Variants in SPATA6L observed in about 807,000 individuals in gnomAD.
The protein encoded by SPATA6L is spermatogenesis associated 6-like protein.
SPATA6L carries 68 observed loss-of-function variants against 49.2 expected under a neutral mutation model. That is an observed-to-expected ratio of 1.38 (90% confidence interval 1.14 to 1.69). The LOEUF (loss-of-function observed/expected upper bound fraction) is 1.69, where lower values mean the gene tolerates loss of function less well. Among genes scored for constraint, SPATA6L ranks in the 40% most tolerant of loss-of-function variants. The pLI, the probability that SPATA6L is intolerant of heterozygous loss-of-function variation, is 0.00. For synonymous variants in SPATA6L, 198 were observed against 165.7 expected, an observed-to-expected ratio of 1.19 and a Z score of -1.50; for missense variants, 668 against 464.3, an observed-to-expected ratio of 1.44 and a Z score of -4.03.
At chr9:4,647,835 GT>G (rs35475971) in intron 3 of SPATA6L, among the ~76,000 whole-genome samples, 86 of 78,034 alleles carry the variant, frequency 1.1e-3, no homozygotes, top group Middle Eastern at 6.1e-3. Flanking sequence ...AAACATTTTA[GT>G]TTTTTTTTTT....
chr9:4,616,370 G>C (rs1294931750), intron 9 of SPATA6L, among the ~76,000 whole-genome samples: 5 of 152,216 alleles, frequency 3.3e-5, no homozygotes, highest in Non-Finnish European at 7.3e-5. Flanking sequence ...TAGAGCCCAT[G>C]TCTCCTGACC....
At chr9:4,617,774 G>T in intron 9 of SPATA6L, 149 bp downstream of exon 9, 2 of 647,320 alleles carry the variant, frequency 3.1e-6, no homozygotes, top group East Asian at 3.0e-5. Flanking sequence ...TGACTTTTGG[G>T]TAGATTTTAA....
intron 9 of SPATA6L, among the ~76,000 whole-genome samples, chr9:4,610,752 C>A (rs1432872271): frequency 6.6e-6 from 1 of 151,318 alleles, no homozygotes; most frequent in Non-Finnish European, 1.5e-5. Flanking sequence ...GACTTCATGT[C>A]TAAAACACCA....
rs1217201433 is a variant in SPATA6L at position 4,644,182 on chromosome 9, GCAAAAAAAAAAAAAAAAAAAAA to G, written c.227-8805_227-8784del. 2.0e-4 allele frequency among the ~76,000 whole-genome samples: 10 copies of G among 49,412 alleles called. No individual in the cohort carries two copies. In the East Asian group the frequency reaches 5.5e-3, roughly 27 times the overall value. The allele number at this position is 49,412 out of a possible 152,430, so 32.4% of individuals were successfully genotyped here. ...GGCAACATAGTAAGATGCCATCTCT[GCAAAAAAAAAAAAAAAAAAAAA>G]AAAAAAAAAAAAAAATGTAGCTGGG... On this transcript the variant is annotated intron_variant, in intron 3 of 11. Transcript: ENST00000682582.
At chr9:4,665,921 C>A (rs910372577) in intron 1 of SPATA6L, among the ~76,000 whole-genome samples, 1 of 151,780 alleles carries the variant, frequency 6.6e-6, no homozygotes, top group Non-Finnish European at 1.5e-5. Flanking sequence ...TAAATTCTAC[C>A]TGGACTTAAT....
intron 1 of SPATA6L, chr9:4,665,051 G>A (rs1840661224): frequency 1.2e-5 from 2 of 167,054 alleles, no homozygotes; most frequent in Non-Finnish European, 2.9e-5. Flanking sequence ...ATGAAATTAG[G>A]CTTACCATCT....
intron 9 of SPATA6L, among the ~76,000 whole-genome samples, chr9:4,605,774 T>A (rs1013907754): frequency 2.6e-5 from 4 of 152,256 alleles, no homozygotes; most frequent in African/African-American, 9.6e-5. Flanking sequence ...TAAAACTTTT[T>A]AATATAAAAT....
At chr9:4,604,698 T>C (rs1442042976) in intron 10 of SPATA6L, among the ~76,000 whole-genome samples, 1 of 152,250 alleles carries the variant, frequency 6.6e-6, no homozygotes, top group Non-Finnish European at 1.5e-5. Flanking sequence ...AAATCTAGCA[T>C]ATGTCAGTAT....
chr9:4,635,416 A>G lies in SPATA6L; in HGVS notation c.227-17T>C. 2 of 1,571,984 alleles carry G rather than the reference A, an allele frequency of 1.3e-6. No homozygotes were observed. Among genetic ancestry groups the G allele is most frequent in the Non-Finnish European group, 1.7e-6 (2 of 1,167,408 alleles). ...CATCCCACACTAGAAAGAAAATAGA[A>G]AAAGCATAAATATCTGTATTTACAC... On this transcript the variant is annotated splice_polypyrimidine_tract_variant and intron_variant, in intron 3 of 11. Coordinates refer to ENST00000682582, the MANE Select transcript of SPATA6L (RefSeq NM_001353486.2).
chr9:4,641,681 G>C lies in SPATA6L; in HGVS notation c.227-6282C>G, dbSNP rs16921703. 2.5e-3 allele frequency among the ~76,000 whole-genome samples: 376 copies of C among 152,264 alleles called. 2 individuals are homozygous for C. Among genetic ancestry groups the C allele is most frequent in the African/African-American group, 8.6e-3 (359 of 41,558 alleles). ...AATCAGAAGGTCCAACTATATATAG[G>C]GTATGCGCGTGCATGTGTGGTTATT... On this transcript the variant is annotated intron_variant, in intron 3 of 11. Coordinates refer to ENST00000682582, the MANE Select transcript of SPATA6L (RefSeq NM_001353486.2).
At chr9:4,627,238 T>C (rs1197189824) in intron 5 of SPATA6L, 1 of 154,082 alleles carries the variant, frequency 6.5e-6, no homozygotes, top group Non-Finnish European at 1.4e-5. Context: ...AGCATTAAGA[T>C]GGTAGAATGG....
At chr9:4,648,164 T>A (rs1277066886) in intron 3 of SPATA6L, among the ~76,000 whole-genome samples, 1 of 152,116 alleles carries the variant, frequency 6.6e-6, no homozygotes, top group Non-Finnish European at 1.5e-5. Flanking sequence ...ACAACAAAAG[T>A]AAAATTCTAA....
At chr9:4,618,582 A>G (rs930633791) in intron 8 of SPATA6L, among the ~76,000 whole-genome samples, 7 of 152,192 alleles carry the variant, frequency 4.6e-5, no homozygotes, top group African/African-American at 1.7e-4. Flanking sequence ...AAATTATTTG[A>G]TTAGAGAAAA....
At chr9:4,629,769 G>GTGTGTGTGTGTGTATATATATA (rs1311805859) in intron 4 of SPATA6L, among the ~76,000 whole-genome samples, 10 of 101,920 alleles carry the variant, frequency 9.8e-5, no homozygotes, top group Admixed American at 3.4e-4. Flanking sequence ...GTGTGTGTGT[G>GTGTGTGTGTGTGTATATATATA]TATATATATA....
At chr9:4,597,382 G>A (rs944304708), downstream of SPATA6L, among the ~76,000 whole-genome samples, 1 of 150,992 alleles carries the variant, frequency 6.6e-6, no homozygotes, top group African/African-American at 2.4e-5. Flanking sequence ...TGGGGCGTGG[G>A]GGGTGAGGTG....
downstream of SPATA6L, among the ~76,000 whole-genome samples, chr9:4,594,850 G>A (rs139029926): frequency 0.011 from 1,745 of 152,026 alleles, 18 homozygotes; most frequent in Non-Finnish European, 0.018. Context: ...AGGCCTTCAC[G>A]ATAAGAACAA....
chr9:4,662,863 G>A lies in SPATA6L; in HGVS notation c.40-827C>T. Reference sequence around the variant, plus strand: ...TGCAGGAGCGACAGCTGGGCCGGGCGCGAGGTGCTGATGAACCTGCTCTTC... The same window carrying A: ...TGCAGGAGCGACAGCTGGGCCGGGCACGAGGTGCTGATGAACCTGCTCTTC... On this transcript the variant is annotated intron_variant, in intron 1 of 11. Transcript: ENST00000682582. The surrounding 1 kb of genome is among the most constrained non-coding windows in gnomAD (Gnocchi z 4.9). 6.2e-7 allele frequency: 1 copy of A among 1,605,460 alleles called. No homozygotes were observed.
At chr9:4,648,001 C>T (rs10974709) in intron 3 of SPATA6L, among the ~76,000 whole-genome samples, 51 of 152,100 alleles carry the variant, frequency 3.4e-4, no homozygotes, top group African/African-American at 1.1e-3. Context: ...CGCCCAGCTA[C>T]TTTTTGTATT....
At chr9:4,646,901 C>A (rs1389691113) in intron 3 of SPATA6L, among the ~76,000 whole-genome samples, 2 of 152,048 alleles carry the variant, frequency 1.3e-5, no homozygotes, top group African/African-American at 4.8e-5. Flanking sequence ...GGGACCAATA[C>A]ACACTGGGGC....
Sources: gnomAD v4.1 joint callset for allele counts (sites outside exome capture counted in the v4.1 genomes callset) on GRCh38, gnomAD v4.1.1 for gene constraint, Gnocchi (gnomAD v3.1) non-coding constraint, MANE v1.5 for transcripts, NCBI Gene and HGNC (gene_info 2026-07-23, HGNC 2026-07-21) for gene names.